The following SYTL3 variants were observed in gnomAD, a reference collection of about 807,000 sequenced individuals.
SYTL3 encodes synaptotagmin-like protein 3.
Under a neutral mutation model 82.1 loss-of-function variants are expected in SYTL3, and 88 were observed. That is an observed-to-expected ratio of 1.07 (90% confidence interval 0.90 to 1.28). The LOEUF (loss-of-function observed/expected upper bound fraction) is 1.28, where lower values mean the gene tolerates loss of function less well. Among genes scored for constraint, SYTL3 ranks in the 50% most tolerant of loss-of-function variants. The pLI, the probability that SYTL3 is intolerant of heterozygous loss-of-function variation, is 0.00. For missense variants in SYTL3, 831 were observed against 757.6 expected (o/e 1.10, Z -1.14); for synonymous variants, 311 against 289.4 (o/e 1.07, Z -0.76).
intron 6 of SYTL3, among the ~76,000 whole-genome samples, chr6:158,691,589 C>G (rs1779871033): frequency 6.6e-6 from 1 of 152,052 alleles, no homozygotes; most frequent in African/African-American, 2.4e-5. Flanking sequence ...TTTTAACAAC[C>G]ATGACATTCT....
intron 6 of SYTL3, among the ~76,000 whole-genome samples, chr6:158,697,742 A>C (rs1780720660): frequency 6.6e-6 from 1 of 152,130 alleles, no homozygotes; most frequent in South Asian, 2.1e-4. Flanking sequence ...AGCAGTTTAG[A>C]CCTTCTTGCC....
At chr6:158,646,861 T>TC (rs1372627527), upstream of SYTL3, among the ~76,000 whole-genome samples, 9 of 152,204 alleles carry the variant, frequency 5.9e-5, no homozygotes, top group African/African-American at 2.2e-4. Context: ...ACCTGAGATC[T>TC]CGTTTTGGAT....
intron 5 of SYTL3, among the ~76,000 whole-genome samples, chr6:158,666,461 G>A (rs1790065999): frequency 6.6e-6 from 1 of 152,136 alleles, no homozygotes; most frequent in South Asian, 2.1e-4. Flanking sequence ...TTAGACTCCT[G>A]CTGTTCAAAG....
chr6:158,751,045 T>C (rs114693685), intron 12 of SYTL3, among the ~76,000 whole-genome samples: 3,022 of 152,254 alleles, frequency 0.02, 95 homozygotes, highest in African/African-American at 0.069. Flanking sequence ...ATCCGTCCAC[T>C]TCATCCTCCC....
In SYTL3 at chr6:158,725,040, T is replaced by TA. The variant is rs576589083; in HGVS notation, c.721-456dup. Among the ~76,000 whole-genome samples the TA allele has an allele frequency of 2.2e-3, 329 of 152,076 alleles. 2 individuals carry two copies. The highest frequency in any genetic ancestry group is 0.01 in the Middle Eastern group (3 of 292). The stretch of plus-strand genomic sequence containing the variant: ...CCGTCTCAAAAAAAGAAAGAAAAAA[T>TA]AAAAAAAGCATCAACTGTTAGCAAA... On this transcript the variant is annotated intron_variant, in intron 10 of 17. Coordinates refer to ENST00000611299, the MANE Select transcript of SYTL3 (RefSeq NM_001242394.2).
rs562084373 is a variant in SYTL3 at position 158,755,884 on chromosome 6, C to T, written c.1138-1327C>T. On this transcript the variant is annotated intron_variant, in intron 13 of 17. Transcript: ENST00000611299. ...CTCGGGCCTGGACACAGTCAGTGCACGTGAATCTGGCCTGCAGTGTCGGCT... is the reference window on the plus strand; with the variant it reads ...CTCGGGCCTGGACACAGTCAGTGCATGTGAATCTGGCCTGCAGTGTCGGCT... Among the ~76,000 whole-genome samples the T allele has an allele frequency of 2.1e-4, 32 of 152,226 alleles. No individual in the cohort carries two copies. The East Asian group carries it at 5.6e-3, about 27-fold the overall frequency.
At chr6:158,701,073 G>A (rs186435209) in intron 6 of SYTL3, among the ~76,000 whole-genome samples, 1 of 152,092 alleles carries the variant, frequency 6.6e-6, no homozygotes, top group Admixed American at 6.5e-5. Context: ...GGCGTGCACA[G>A]TAACCACAAT....
chr6:158,751,732 G>A (rs890603521), intron 12 of SYTL3, among the ~76,000 whole-genome samples, 196 bp from the exon 13 acceptor site: 1 of 152,156 alleles, frequency 6.6e-6, no homozygotes, highest in Non-Finnish European at 1.5e-5. Flanking sequence ...ACCATAGACT[G>A]CATGGATCAG....
intron 9 of SYTL3, among the ~76,000 whole-genome samples, chr6:158,715,599 T>TCTCACACACACACACACACACACACA (rs1783276356): frequency 1.5e-4 from 18 of 116,442 alleles, no homozygotes; most frequent in African/African-American, 1.8e-4. Context: ...TGAAACCGCA[T>TCTCACACACACACACACACACACACA]CACACACACA....
chr6:158,745,698 T>TG, intron 12 of SYTL3, 40 bp downstream of exon 12: 1 of 1,438,186 alleles, frequency 7.0e-7, no homozygotes, highest in African/African-American at 1.4e-5. Context: ...GACATATTGA[T>TG]TCCAAAATGT....
chr6:158,654,241 A>G (rs1788403463), intron 2 of SYTL3, among the ~76,000 whole-genome samples: 1 of 152,050 alleles, frequency 6.6e-6, no homozygotes, highest in African/African-American at 2.4e-5. Flanking sequence ...CCACCATGTT[A>G]TGAGTTATTT....
chr6:158,726,364 G>T (rs879165115), intron 11 of SYTL3: 1 of 294,834 alleles, frequency 3.4e-6, no homozygotes, highest in Non-Finnish European at 6.6e-6. Context: ...TGTAGGCTTT[G>T]TTTGTGAATT....
chr6:158,694,012 A>G (rs1780291413), intron 6 of SYTL3, among the ~76,000 whole-genome samples: 1 of 151,966 alleles, frequency 6.6e-6, no homozygotes, highest in Non-Finnish European at 1.5e-5. Context: ...TTTAAAGGAA[A>G]GGTGGATCCT....
At chr6:158,764,164 C>G (rs527964989) in intron 17 of SYTL3, among the ~76,000 whole-genome samples, 1 of 152,252 alleles carries the variant, frequency 6.6e-6, no homozygotes. Flanking sequence ...CAGTCTGAGA[C>G]GGCCCCACCC....
At position 158,762,100 on chromosome 6, in the gene SYTL3, G is replaced by A; in HGVS notation, c.1439G>A (p.Gly480Asp). The A allele has an allele frequency of 1.9e-6, 3 of 1,613,928 alleles. No homozygotes were observed. Among genetic ancestry groups the A allele is most frequent in the Middle Eastern group, 1.6e-4 (1 of 6,062 alleles). ...GGGACAGATCAGCCATCACTTCATGGTCAACTTTGTTTGGTAGTGCTAGGA... is the reference window on the plus strand; with the variant it reads ...GGGACAGATCAGCCATCACTTCATGATCAACTTTGTTTGGTAGTGCTAGGA... ...QEGTDQPSLH[G>D]QLCLVVLGAK... Residue 480 changes from glycine to aspartate, a missense_variant, in exon 16 of 18, where the codon GGT becomes GAT. Transcript: ENST00000611299.
At chr6:158,734,906 C>T (rs893344378) in intron 11 of SYTL3, among the ~76,000 whole-genome samples, 68 of 152,318 alleles carry the variant, frequency 4.5e-4, no homozygotes, top group African/African-American at 1.6e-3. Flanking sequence ...ATGGAAGGTG[C>T]TGTTATCCCA....
At chr6:158,653,259 C>A (rs1329387006) in intron 2 of SYTL3, among the ~76,000 whole-genome samples, 22 of 152,060 alleles carry the variant, frequency 1.4e-4, no homozygotes, top group Admixed American at 1.4e-3. Context: ...GTAATCCCAG[C>A]ACTTTGGGAG....
rs71030191 is a variant in SYTL3 at position 158,693,855 on chromosome 6, C to CTTTTCTTTTCTTTTCTTTTTTTT, written c.394+10870_394+10871insCTTTTCTTTTCTTTTTTTTTTTT. On this transcript the variant is annotated intron_variant, in intron 6 of 17. Coordinates refer to ENST00000611299, the MANE Select transcript of SYTL3 (RefSeq NM_001242394.2). ...TGCATCCAGCCTTTCTTTTTCTTTT[C>CTTTTCTTTTCTTTTCTTTTTTTT]TTTTTTTTTTTTTTTTTTGTAGATA... Among the ~76,000 whole-genome samples, 5 of 96,864 alleles carry CTTTTCTTTTCTTTTCTTTTTTTT rather than the reference C, an allele frequency of 5.2e-5. 1 individual carries two copies. The highest frequency in any genetic ancestry group is 7.6e-5 in the Non-Finnish European group (4 of 52,724). 63.5% of individuals were successfully genotyped at this position (96,864 alleles called of 152,430 possible). A position where few individuals can be genotyped will look rare whatever the true frequency, so the allele number is the denominator to read the frequency against.
intron 11 of SYTL3, among the ~76,000 whole-genome samples, chr6:158,741,368 C>G (rs1196572712): frequency 6.6e-6 from 1 of 152,196 alleles, no homozygotes; most frequent in Non-Finnish European, 1.5e-5. Flanking sequence ...CATGTCTGGC[C>G]TTGTTCAACT....
Sources: gnomAD v4.1 joint callset for allele counts (sites outside exome capture counted in the v4.1 genomes callset) on GRCh38, gnomAD v4.1.1 for gene constraint, MANE v1.5 for transcripts, NCBI Gene and HGNC (gene_info 2026-07-23, HGNC 2026-07-21) for gene names.